The following WWOX variants were observed in gnomAD, a reference collection of about 807,000 sequenced individuals.
WWOX encodes the protein WW domain containing oxidoreductase.
A neutral mutation model predicts 46.2 loss-of-function variants in WWOX; 69 were observed. The ratio of observed to expected loss-of-function variants is 1.49; its 90% confidence interval spans 1.23 to 1.82. The LOEUF (loss-of-function observed/expected upper bound fraction) is 1.82. WWOX is among the 40% of genes most tolerant of loss of function. The probability of loss-of-function intolerance (pLI) is 0.00; values close to 1 mark genes in which losing one functional copy is unlikely to be tolerated. For synonymous variants in WWOX, 359 were observed against 202.6 expected (o/e 1.77, Z -6.56); for missense variants, 919 against 542.6 (o/e 1.69, Z -6.89).
intron 8 of WWOX, among the ~76,000 whole-genome samples, chr16:78,588,231 T>C (rs1400065823): frequency 6.6e-6 from 1 of 152,176 alleles, no homozygotes; most frequent in African/African-American, 2.4e-5. Context: ...TAGATGACAA[T>C]AGCCTCAAAC....
intron 8 of WWOX, among the ~76,000 whole-genome samples, chr16:78,962,092 G>C (rs2151313141): frequency 6.6e-6 from 1 of 152,126 alleles, no homozygotes; most frequent in African/African-American, 2.4e-5. Context: ...GCTTTGGAAA[G>C]GGACAGTCTT....
At chr16:78,841,509 ATTGT>A (rs2052148998) in intron 8 of WWOX, among the ~76,000 whole-genome samples, 1 of 152,180 alleles carries the variant, frequency 6.6e-6, no homozygotes, top group African/African-American at 2.4e-5. Flanking sequence ...AATAAGGATG[ATTGT>A]TTTAGTTTTC....
At chr16:78,772,924 T>G (rs1324671287) in intron 8 of WWOX, among the ~76,000 whole-genome samples, 1 of 151,388 alleles carries the variant, frequency 6.6e-6, no homozygotes, top group Non-Finnish European at 1.5e-5. Flanking sequence ...ACTCAGGAGG[T>G]GGAGGTGGGA....
intron 8 of WWOX, among the ~76,000 whole-genome samples, chr16:79,003,700 C>T (rs1015810067): frequency 2.0e-5 from 3 of 152,224 alleles, no homozygotes; most frequent in South Asian, 2.1e-4. Flanking sequence ...GCTCCAGCAC[C>T]GTGGTCTCAG....
intron 5 of WWOX, among the ~76,000 whole-genome samples, chr16:78,271,841 AG>A (rs1658422153): frequency 6.6e-6 from 1 of 152,190 alleles, no homozygotes; most frequent in African/African-American, 2.4e-5. Context: ...ACATTTTGGT[AG>A]CAGTCACACA....
intron 8 of WWOX, among the ~76,000 whole-genome samples, chr16:78,970,995 T>C (rs1452502931): frequency 6.6e-6 from 1 of 152,152 alleles, no homozygotes; most frequent in Non-Finnish European, 1.5e-5. Flanking sequence ...AAAATCCAGA[T>C]TCCCATTCTC....
At chr16:78,594,146 C>T (rs1161759306) in intron 8 of WWOX, among the ~76,000 whole-genome samples, 1 of 151,996 alleles carries the variant, frequency 6.6e-6, no homozygotes, top group Non-Finnish European at 1.5e-5. Context: ...TATTAATGCC[C>T]ATCCTTTAAC....
At position 78,349,063 on chromosome 16, in the gene WWOX, G is replaced by C. The variant is rs1348515226; in HGVS notation, c.517-37797G>C. On this transcript the variant is annotated intron_variant, in intron 5 of 8. Transcript: ENST00000566780. Reference sequence around the variant, plus strand: ...AACAACAAAAATACATTTTCTCATAGTTGTGGAGCCTAGAATTCCAAGGTC... The same window carrying C: ...AACAACAAAAATACATTTTCTCATACTTGTGGAGCCTAGAATTCCAAGGTC... Among the ~76,000 whole-genome samples, 2 of 120,494 alleles carry C rather than the reference G, an allele frequency of 1.7e-5. 1 individual carries two copies. The highest frequency in any genetic ancestry group is 5.6e-5 in the African/African-American group (2 of 35,480). 79.0% of individuals were successfully genotyped at this position (120,494 alleles called of 152,430 possible).
intron 8 of WWOX, among the ~76,000 whole-genome samples, chr16:78,529,651 T>C (rs905941107): frequency 6.6e-6 from 1 of 151,900 alleles, no homozygotes; most frequent in African/African-American, 2.4e-5. Context: ...TTATTTTTAG[T>C]AGAGATGGGG....
At chr16:78,679,787 A>G (rs1309895499) in intron 8 of WWOX, among the ~76,000 whole-genome samples, 1 of 152,226 alleles carries the variant, frequency 6.6e-6, no homozygotes, top group Non-Finnish European at 1.5e-5. Flanking sequence ...CTGCCAAGAG[A>G]ACAGCAGCAC....
chr16:78,326,002 A>G (rs1157938519), intron 5 of WWOX, among the ~76,000 whole-genome samples: 1 of 152,240 alleles, frequency 6.6e-6, no homozygotes, highest in African/African-American at 2.4e-5. Flanking sequence ...GCTCTTTTGC[A>G]GATGAGGAAA....
rs139233731 is a variant in WWOX, at chr16:78,466,187, A to G, written c.1056+33435A>G. Among the ~76,000 whole-genome samples the G allele has an allele frequency of 6.4e-3, 967 of 152,176 alleles. 5 individuals carry two copies. Among genetic ancestry groups the G allele is most frequent in the Non-Finnish European group, 9.1e-3 (617 of 68,002 alleles). Reference sequence around the variant, plus strand: ...GCTGGGACTATAGGTGCCCGCCACCATGCTTGGCTAATTTTTTGTGTTTTT... The same window carrying G: ...GCTGGGACTATAGGTGCCCGCCACCGTGCTTGGCTAATTTTTTGTGTTTTT... On this transcript the variant is annotated intron_variant, in intron 8 of 8. Transcript: ENST00000566780.
intron 8 of WWOX, among the ~76,000 whole-genome samples, chr16:79,003,467 C>G (rs952478244): frequency 1.3e-5 from 2 of 152,150 alleles, no homozygotes; most frequent in African/African-American, 4.8e-5. Context: ...TGGCGTAAAA[C>G]GACAACAGTT....
chr16:78,637,394 CAG>C (rs1192458500), intron 8 of WWOX, among the ~76,000 whole-genome samples: 1 of 151,090 alleles, frequency 6.6e-6, no homozygotes, highest in African/African-American at 2.4e-5. Context: ...TGAGCCAAGA[CAG>C]TGCCACTGTG....
At chr16:78,440,988 G>T (rs936282720) in intron 8 of WWOX, among the ~76,000 whole-genome samples, 4 of 151,674 alleles carry the variant, frequency 2.6e-5, no homozygotes, top group Non-Finnish European at 5.9e-5. Flanking sequence ...TGTCACCTAG[G>T]CTGGAATGCA....
intron 8 of WWOX, among the ~76,000 whole-genome samples, chr16:78,542,018 C>CAAA (rs548366256): frequency 0.046 from 1,868 of 40,626 alleles, 461 homozygotes; most frequent in African/African-American, 0.08. Flanking sequence ...CAGAGTATAC[C>CAAA]AAAAAAAAAA....
At chr16:79,105,185 G>A (rs1044191772) in intron 8 of WWOX, among the ~76,000 whole-genome samples, 4 of 152,168 alleles carry the variant, frequency 2.6e-5, no homozygotes, top group African/African-American at 9.7e-5. Flanking sequence ...CCAGCACCCC[G>A]AGTGGTGACA....
At chr16:78,792,402 G>A (rs73575631) in intron 8 of WWOX, among the ~76,000 whole-genome samples, 6,653 of 152,176 alleles carry the variant, frequency 0.044, 158 homozygotes, top group Non-Finnish European at 0.05. Context: ...TAAAAAGCTC[G>A]GAGATGGCTT....
intron 8 of WWOX, among the ~76,000 whole-genome samples, chr16:78,736,067 C>T (rs528755090): frequency 8.0e-4 from 122 of 152,250 alleles, no homozygotes; most frequent in African/African-American, 2.7e-3. Flanking sequence ...GATTCGGCTT[C>T]GCTTGCTTTA....
Sources: gnomAD v4.1 joint callset for allele counts (sites outside exome capture counted in the v4.1 genomes callset) on GRCh38, gnomAD v4.1.1 for gene constraint, MANE v1.5 for transcripts, NCBI Gene and HGNC (gene_info 2026-07-23, HGNC 2026-07-21) for gene names.